NLRP6: variants seen among roughly 807,000 people sequenced by gnomAD.
NLRP6 encodes the protein NLR family pyrin domain containing 6.
In NLRP6, 55 loss-of-function variants were observed where a neutral mutation model predicts 70.9. That is an observed-to-expected ratio of 0.78 (90% CI 0.62 to 0.97). The LOEUF is 0.97. NLRP6 is among the 50% of genes least tolerant of loss of function. The probability of loss-of-function intolerance (pLI) is 0.00; values close to 1 mark genes in which losing one functional copy is unlikely to be tolerated. For synonymous variants in NLRP6, 652 were observed against 581.9 expected (o/e 1.12, Z -1.73); for missense variants, 1,241 against 1,238.3 (o/e 1.00, Z -0.03).
At chr11:279,750 G>A (rs1293887247) in intron 2 of NLRP6, 84 bp from the exon 3 acceptor site, 32 of 1,444,482 alleles carry the variant, frequency 2.2e-5, no homozygotes, top group Non-Finnish European at 2.9e-5. Context: ...AGGACCCTGC[G>A]TGCTCCTCAG....
At chr11:283,164 A>G (rs940144022) in intron 5 of NLRP6, among the ~76,000 whole-genome samples, 11 of 152,170 alleles carry the variant, frequency 7.2e-5, no homozygotes, top group African/African-American at 2.7e-4. Flanking sequence ...GCAGGCTCCA[A>G]GGTCAGGCTG....
chr11:279,929 G>C, intron 3 of NLRP6, 57 bp downstream of exon 3: 1 of 1,463,604 alleles, frequency 6.8e-7, no homozygotes. Flanking sequence ...AGGGTCCCGG[G>C]GAGGACCGGG....
chr11:284,432 GC>G (rs766441056), intron 6 of NLRP6, 32 bp downstream of exon 6: 4 of 1,601,828 alleles, frequency 2.5e-6, no homozygotes, highest in East Asian at 2.2e-5. Flanking sequence ...ACCGTGGGAT[GC>G]CCCCGCCACC....
Position 281,265 on chromosome 11 carries a change from T to TA in NLRP6, c.1532dup (p.Tyr511Ter). 1 of 1,611,368 alleles carries TA rather than the reference T, an allele frequency of 6.2e-7. No homozygotes were observed. Residue 511 changes from tyrosine (Y) to a stop codon, truncating the protein, a stop_gained and frameshift_variant, in exon 4 of 8, where the codon TAC (tyrosine) becomes TAAC (stop). Coordinates refer to ENST00000534750, the MANE Select transcript of NLRP6 (RefSeq NM_001276700.2). LOFTEE classifies it high-confidence loss of function. ...SFQEFLAALS[Y>*]LLEDGGVPRT... ...CCAGGAGTTCCTCGCGGCACTGTCC[T>TA]ACCTGCTGGAGGACGGCGGGGTGCC...
In NLRP6 at chr11:279,616, T is replaced by C; in HGVS notation, c.310+9T>C. ...GGAGCGGCGGCTGCAGCGTGAGTTCTGCGCGGGAGGTCCCTCCTGTCTGGG... is the reference window on the plus strand; with the variant it reads ...GGAGCGGCGGCTGCAGCGTGAGTTCCGCGCGGGAGGTCCCTCCTGTCTGGG... On this transcript the variant is annotated intron_variant, in intron 2 of 7. Transcript: ENST00000534750. The C allele has an allele frequency of 7.2e-7, 1 of 1,395,604 alleles. No individual in the cohort carries two copies. Among genetic ancestry groups the C allele is most frequent in the Non-Finnish European group, 9.3e-7 (1 of 1,079,778 alleles). The allele number at this position is 1,395,604 out of a possible 1,614,324, so 86.5% of individuals were successfully genotyped here.
Position 281,335 on chromosome 11 carries a change from C to T in NLRP6, c.1601C>T (p.Ala534Val). The T allele has an allele frequency of 6.2e-7, 1 of 1,609,652 alleles. No individual in the cohort carries two copies. Among genetic ancestry groups the T allele is most frequent in the Non-Finnish European group, 8.5e-7 (1 of 1,178,586 alleles). ...GGVGTLLRGD[A>V]QPHSHLVLTT... Reference sequence around the variant, plus strand: ...GTTGGGACACTCCTGCGTGGGGACGCCCAGCCGCACAGCCACTTGGTGCTC... The same window carrying T: ...GTTGGGACACTCCTGCGTGGGGACGTCCAGCCGCACAGCCACTTGGTGCTC... Residue 534 changes from alanine (A) to valine (V), a missense_variant, in exon 4 of 8, where the codon GCC (alanine) becomes GTC (valine). Coordinates refer to ENST00000534750, the MANE Select transcript of NLRP6 (RefSeq NM_001276700.2).
At chr11:282,430 C>T (rs1010815547) in intron 4 of NLRP6, among the ~76,000 whole-genome samples, 3 of 152,198 alleles carry the variant, frequency 2.0e-5, no homozygotes, top group Non-Finnish European at 4.4e-5. Flanking sequence ...ACGGTGTTGG[C>T]AGGGGCTGGG....
rs1214504806 is a variant in NLRP6 at position 279,363 on chromosome 11, C to T, written c.66C>T (p.Leu22=). The T allele has an allele frequency of 6.9e-6, 9 of 1,308,918 alleles. No homozygotes were observed. The East Asian group carries it at 2.5e-4, about 37-fold the overall frequency. The allele number at this position is 1,308,918 out of a possible 1,614,324, so 81.1% of individuals were successfully genotyped here. The change falls in exon 2 of 8, where the codon CTC becomes CTT. Residue 22 remains leucine (L), a synonymous_variant. Coordinates refer to ENST00000534750, the MANE Select transcript of NLRP6 (RefSeq NM_001276700.2). Reference sequence around the variant, plus strand: ...GCCTCGCGGTGGCCCGCGAGCTGCTCCTGGCTGCGCTGGAGGAACTGAGCC... The same window carrying T: ...GCCTCGCGGTGGCCCGCGAGCTGCTTCTGGCTGCGCTGGAGGAACTGAGCC... The part of the protein sequence containing the change: ...GPRLAVAREL[L]LAALEELSQE...
chr11:279,555 G>T lies in NLRP6; in HGVS notation c.258G>T (p.Lys86Asn). ...PALEVARKTL[K>N]RADARDVAAQ... Reference sequence around the variant, plus strand: ...TGGAGGTGGCCCGCAAGACCCTCAAGAGGGCGGACGCGCGCGACGTGGCGG... The same window carrying T: ...TGGAGGTGGCCCGCAAGACCCTCAATAGGGCGGACGCGCGCGACGTGGCGG... Residue 86 changes from lysine to asparagine, a missense_variant, in exon 2 of 8, where the codon AAG becomes AAT. Transcript: ENST00000534750. 7.0e-7 allele frequency: 1 copy of T among 1,435,382 alleles called. No individual in the cohort carries two copies. The allele number at this position is 1,435,382 out of a possible 1,614,324, so 88.9% of individuals were successfully genotyped here. A position where few individuals can be genotyped will look rare whatever the true frequency, so the allele number is the denominator to read the frequency against.
chr11:281,363 C>T lies in NLRP6; in HGVS notation c.1629C>T (p.Thr543=). 1.2e-6 allele frequency: 2 copies of T among 1,610,814 alleles called. No individual in the cohort carries two copies. Among genetic ancestry groups the T allele is most frequent in the Non-Finnish European group, 1.7e-6 (2 of 1,179,148 alleles). The change falls in exon 4 of 8, where the codon ACC becomes ACT. Residue 543 remains threonine (T), a synonymous_variant. Transcript: ENST00000534750. ...AGCCGCACAGCCACTTGGTGCTCACCACGCGCTTCCTCTTCGGACTGCTGA... is the reference window on the plus strand; with the variant it reads ...AGCCGCACAGCCACTTGGTGCTCACTACGCGCTTCCTCTTCGGACTGCTGA... ...DAQPHSHLVL[T]TRFLFGLLSA...
rs374161810 is a variant in NLRP6, at chr11:280,782, T to A, written c.1048T>A (p.Ser350Thr). The A allele has an allele frequency of 5.6e-6, 9 of 1,612,186 alleles. No homozygotes were observed. The highest frequency in any genetic ancestry group is 1.6e-4 in the Middle Eastern group (1 of 6,082). The stretch of plus-strand genomic sequence containing the variant: ...GCAGTGCGCCGAGGTGCGCGGCTTC[T>A]CCGACAAGGACAAGAAGAAGTATTT... ...SPQCAEVRGF[S>T]DKDKKKYFYK... The change falls in exon 4 of 8, where the codon TCC becomes ACC. Residue 350 changes from serine (S) to threonine (T), a missense_variant. Coordinates refer to ENST00000534750, the MANE Select transcript of NLRP6 (RefSeq NM_001276700.2).
rs571982109 is a variant in NLRP6, at chr11:282,511, GTGGGATGA to G, written c.2106-191_2106-184del. Among the ~76,000 whole-genome samples the G allele has an allele frequency of 8.7e-4, 133 of 152,330 alleles. 1 individual carries two copies. The highest frequency in any genetic ancestry group is 3.7e-3 in the South Asian group (18 of 4,832). On this transcript the variant is annotated intron_variant, in intron 4 of 7. Transcript: ENST00000534750. ...CCACTGACCTCACTCAGACACCCCA[GTGGGATGA>G]TGCCTGGGCCACAGATGAGTGGTTT... is the stretch of plus-strand genomic sequence containing the variant.
intron 6 of NLRP6, 21 bp from the exon 7 acceptor site, chr11:284,454 C>T: frequency 1.2e-6 from 2 of 1,607,942 alleles, no homozygotes; most frequent in Non-Finnish European, 1.7e-6. Flanking sequence ...CCAGCAGCTC[C>T]TGAGGTCGGC....
intron 5 of NLRP6, 23 bp downstream of exon 5, chr11:282,820 C>T (rs1230372064): frequency 1.3e-6 from 2 of 1,553,758 alleles, no homozygotes; most frequent in Non-Finnish European, 1.8e-6. Flanking sequence ...ACCCCCAGCT[C>T]TTCCCACGGA....
In NLRP6 at chr11:281,123, G is replaced by A; in HGVS notation, c.1389G>A (p.Lys463=). Residue 463 remains lysine (K), a synonymous_variant, in exon 4 of 8, where the codon AAG becomes AAA. Coordinates refer to ENST00000534750, the MANE Select transcript of NLRP6 (RefSeq NM_001276700.2). ...VLGRRAQFAE[K]ELEQLELRGS... is the part of the protein sequence containing the mutation. ...GACGCAGGGCGCAGTTTGCCGAGAA[G>A]GAACTGGAGCAACTGGAGCTTCGTG... The A allele has an allele frequency of 6.2e-7, 1 of 1,612,934 alleles. No homozygotes were observed. The highest frequency in any genetic ancestry group is 2.2e-5 in the East Asian group (1 of 44,874).
At chr11:279,687 C>A (rs997353415) in intron 2 of NLRP6, 80 bp downstream of exon 2, 2 of 1,354,870 alleles carry the variant, frequency 1.5e-6, no homozygotes, top group Non-Finnish European at 1.9e-6. Flanking sequence ...GAAGCCCCGG[C>A]GCGGTCCCCG....
chr11:280,004 G>A, intron 3 of NLRP6, 80 bp from the exon 4 acceptor site: 1 of 1,414,190 alleles, frequency 7.1e-7, no homozygotes, highest in Non-Finnish European at 9.3e-7. Flanking sequence ...GAGCAGGGCC[G>A]GGGAGGGCGT....
chr11:284,701 G>T (rs113333221), intron 7 of NLRP6, 59 bp downstream of exon 7: 3 of 1,494,354 alleles, frequency 2.0e-6, no homozygotes, highest in Non-Finnish European at 2.7e-6. Flanking sequence ...GGGAGGGGGA[G>T]GGTGCCTGGG....
intron 1 of NLRP6, 199 bp from the exon 2 acceptor site, chr11:279,128 C>T (rs1372718968): frequency 7.5e-5 from 33 of 438,460 alleles, no homozygotes; most frequent in Non-Finnish European, 1.2e-4. Context: ...GACGCCCCGA[C>T]CCGGGTCCGG....
Sources: allele counts gnomAD v4.1 joint callset (sites outside exome capture counted in the v4.1 genomes callset), GRCh38; gene constraint gnomAD v4.1.1; transcripts MANE v1.5; gene names NCBI Gene and HGNC (gene_info 2026-07-23, HGNC 2026-07-21).